The following ANLN variants were observed in gnomAD, a reference collection of about 807,000 sequenced individuals.
The protein encoded by ANLN is anillin.
Under a neutral mutation model 135.1 loss-of-function variants are expected in ANLN, and 59 were observed. That is an observed-to-expected ratio of 0.44 (90% CI 0.35 to 0.54). The LOEUF (loss-of-function observed/expected upper bound fraction) is 0.54, where lower values mean the gene tolerates loss of function less well. ANLN is among the 20% of genes least tolerant of loss of function. ANLN has a pLI of 0.00. For synonymous variants in ANLN, 406 were observed against 456.4 expected, an observed-to-expected ratio of 0.89 and a Z score of 1.41; for missense variants, 1,182 against 1,340.0, an observed-to-expected ratio of 0.88 and a Z score of 1.84.
At chr7:36,396,714 G>C (rs1309486120) in intron 2 of ANLN, among the ~76,000 whole-genome samples, 2 of 152,158 alleles carry the variant, frequency 1.3e-5, no homozygotes, top group Admixed American at 1.3e-4. Context: ...AAGGAGTAGG[G>C]TAACATTTAT....
chr7:36,420,615 T>G lies in ANLN; in HGVS notation c.2034T>G (p.Ser678=). 1.2e-6 allele frequency: 2 copies of G among 1,613,258 alleles called. No individual in the cohort carries two copies. The highest frequency in any genetic ancestry group is 1.7e-6 in the Non-Finnish European group (2 of 1,179,276). Reference sequence around the variant, plus strand: ...CTTGAAGCATTGATGCATATAGATCTCAAAGATTCAAAGAAACAGAACGTC... The same window carrying G: ...CTTGAAGCATTGATGCATATAGATCGCAAAGATTCAAAGAAACAGAACGTC... ...DLLYSIDAYR[S]QRFKETERPS... Residue 678 remains serine, a synonymous_variant, in exon 12 of 24, where the codon TCT becomes TCG. Transcript: ENST00000265748.
At chr7:36,403,071 C>G (rs1287787473) in intron 3 of ANLN, among the ~76,000 whole-genome samples, 2 of 152,022 alleles carry the variant, frequency 1.3e-5, no homozygotes, top group South Asian at 4.1e-4. Flanking sequence ...GAGCCGAGAT[C>G]GCGCCATTAC....
At chr7:36,396,754 CA>C (rs1185483402) in intron 2 of ANLN, among the ~76,000 whole-genome samples, 14 of 151,966 alleles carry the variant, frequency 9.2e-5, no homozygotes, top group African/African-American at 3.1e-4. Context: ...TTTTTTATCC[CA>C]GGGGTGGCAG....
Position 36,399,181 on chromosome 7 carries a change from C to T in ANLN, c.275C>T (p.Ser92Phe). The change falls in exon 3 of 24, where the codon TCT (serine) becomes TTT (phenylalanine). Residue 92 changes from serine to phenylalanine, a missense_variant. Ser to Phe is a radical substitution (Grantham distance 155). Around this residue, in one of 3 missense-constraint regions of ANLN, gnomAD observed 1,022 missense variants for 1,134.0 expected, o/e 0.90. Transcript: ENST00000265748. ...LENKQPVEST[S>F]AKSCSPSPVS... ...AATAAACAACCAGTTGAGTCGACAT[C>T]TGCAAAATCTTGTTCTCCAAGTCCT... is the stretch of plus-strand genomic sequence containing the variant. 6.2e-7 allele frequency: 1 copy of T among 1,614,174 alleles called. No homozygotes were observed. The highest frequency in any genetic ancestry group is 8.5e-7 in the Non-Finnish European group (1 of 1,180,040).
At chr7:36,404,180 G>C (rs970409720) in intron 3 of ANLN, among the ~76,000 whole-genome samples, 1 of 151,996 alleles carries the variant, frequency 6.6e-6, no homozygotes, top group African/African-American at 2.4e-5. Context: ...ATGTCACTTA[G>C]GCTGGTCTCG....
Position 36,396,330 on chromosome 7 carries a change from C to T in ANLN, c.83C>T (p.Thr28Ile). 1.9e-6 allele frequency: 3 copies of T among 1,609,348 alleles called. No homozygotes were observed. Among genetic ancestry groups the T allele is most frequent in the Non-Finnish European group, 1.7e-6 (2 of 1,176,466 alleles). Residue 28 changes from threonine to isoleucine, a missense_variant, in exon 2 of 24, where the codon ACA (threonine) becomes ATA (isoleucine). This residue lies in a region of ANLN where 1,022 missense variants were observed against 1,134.0 expected (regional missense o/e 0.90). Transcript: ENST00000265748. The part of the protein sequence containing the change: ...NLQRKMAERP[T>I]AAPRSMTHAK... Reference sequence around the variant, plus strand: ...CAGAGAAAAATGGCTGAGAGGCCCACAGCAGCTCCAAGGTCTATGACTCAT... The same window carrying T: ...CAGAGAAAAATGGCTGAGAGGCCCATAGCAGCTCCAAGGTCTATGACTCAT...
At chr7:36,397,350 A>G (rs147478355) in intron 2 of ANLN, among the ~76,000 whole-genome samples, 2 of 152,298 alleles carry the variant, frequency 1.3e-5, no homozygotes, top group Non-Finnish European at 2.9e-5. Flanking sequence ...TCACTGTGAG[A>G]TGGGTTTGTA....
intron 17 of ANLN, 108 bp downstream of exon 17, chr7:36,424,850 C>CCAAAA: frequency 8.9e-7 from 1 of 1,119,834 alleles, no homozygotes; most frequent in Non-Finnish European, 1.3e-6. Flanking sequence ...GTTTTTGGAT[C>CCAAAA]AGTTTCATGT....
Position 36,421,843 on chromosome 7 carries a change from A to T in ANLN, c.2164-14A>T. ...AAATGTGTATATTTTTTCTCCTCTC[A>T]TTGGTTTTCCTAGGAACTCAATAAC... On this transcript the variant is annotated splice_polypyrimidine_tract_variant and intron_variant, in intron 12 of 23. Coordinates refer to ENST00000265748, the MANE Select transcript of ANLN (RefSeq NM_018685.5). 1.3e-6 allele frequency: 2 copies of T among 1,588,432 alleles called. No individual in the cohort carries two copies. The highest frequency in any genetic ancestry group is 1.8e-5 in the Admixed American group (1 of 54,808).
At chr7:36,451,954 T>C (rs1222828113) in intron 23 of ANLN, among the ~76,000 whole-genome samples, 2 of 152,212 alleles carry the variant, frequency 1.3e-5, no homozygotes, top group Non-Finnish European at 2.9e-5. Context: ...CTTTTGATAG[T>C]TTATTTTAAA....
rs376712171 is a variant in ANLN at position 36,410,713 on chromosome 7, T to C, written c.1287+9T>C. 1.2e-6 allele frequency: 2 copies of C among 1,609,864 alleles called. No homozygotes were observed. The highest frequency in any genetic ancestry group is 2.2e-5 in the South Asian group (2 of 90,518). On this transcript the variant is annotated intron_variant, in intron 6 of 23. Transcript: ENST00000265748. ...CACAACAGCTCAAGCAGGTATGGTG[T>C]ACTGCATTTAACATTATTCATCACA... is the stretch of plus-strand genomic sequence containing the variant.
At chr7:36,404,144 T>C (rs1178082181) in intron 3 of ANLN, among the ~76,000 whole-genome samples, 2 of 151,994 alleles carry the variant, frequency 1.3e-5, no homozygotes, top group Admixed American at 1.3e-4. Flanking sequence ...CTAATCTTTG[T>C]ATTTTAGTAG....
At chr7:36,415,919 A>G (rs996937965) in intron 8 of ANLN, 35 bp downstream of exon 8, 1 of 1,485,656 alleles carries the variant, frequency 6.7e-7, no homozygotes. Flanking sequence ...GTTAGTATGT[A>G]GAAACTCAAA....
At position 36,397,180 on chromosome 7, in the gene ANLN, A is replaced by T. The variant is rs184713410; in HGVS notation, c.172+761A>T. Among the ~76,000 whole-genome samples, 75 of 152,294 alleles carry T rather than the reference A, an allele frequency of 4.9e-4. No individual in the cohort carries two copies. The East Asian group carries it at 0.012, about 23-fold the overall frequency. On this transcript the variant is annotated intron_variant, in intron 2 of 23. Transcript: ENST00000265748. ...AAAAAAAAAGAAAGCAGAGAAGTGT[A>T]CATGGGGCTAGCTCAGTTATTTTGG...
chr7:36,440,612 AG>A (rs1400197758), intron 21 of ANLN, among the ~76,000 whole-genome samples: 1 of 152,194 alleles, frequency 6.6e-6, no homozygotes, highest in Non-Finnish European at 1.5e-5. Context: ...CTTTAAATGT[AG>A]ATGGGTAGCT....
intron 11 of ANLN, 60 bp from the exon 12 acceptor site, chr7:36,420,537 T>C: frequency 6.9e-7 from 1 of 1,439,796 alleles, no homozygotes; most frequent in South Asian, 1.2e-5. Flanking sequence ...ATATGTTCAA[T>C]AAAGGATAGT....
chr7:36,419,742 G>T (rs1211868528), intron 10 of ANLN, among the ~76,000 whole-genome samples: 1 of 152,144 alleles, frequency 6.6e-6, no homozygotes, highest in Non-Finnish European at 1.5e-5. Context: ...ACTGTTTATT[G>T]GTCAGGTTAT....
chr7:36,420,562 T>C, intron 11 of ANLN, 35 bp from the exon 12 acceptor site: 1 of 1,576,090 alleles, frequency 6.3e-7, no homozygotes, highest in Non-Finnish European at 8.7e-7. Context: ...AGTGTGTTGC[T>C]GGATTTCTAA....
At chr7:36,449,158 G>A (rs535925358) in intron 22 of ANLN, 4 of 152,428 alleles carry the variant, frequency 2.6e-5, no homozygotes, top group African/African-American at 9.6e-5. Context: ...TTGGTCTCGT[G>A]AATGTTTTCC....
Sources: gnomAD v4.1 joint callset for allele counts (sites outside exome capture counted in the v4.1 genomes callset) on GRCh38, gnomAD v4.1.1 for gene constraint, gnomAD v4.1.1 regional missense constraint, MANE v1.5 for transcripts, NCBI Gene and HGNC (gene_info 2026-07-23, HGNC 2026-07-21) for gene names.